The following TGFA variants were observed in gnomAD, a reference collection of about 807,000 sequenced individuals.
The protein encoded by TGFA is protransforming growth factor alpha.
In TGFA, 12 loss-of-function variants were observed where a neutral mutation model predicts 21.7. The ratio of observed to expected loss-of-function variants is 0.55; its 90% CI spans 0.35 to 0.90. The LOEUF is 0.90. Among genes scored for constraint, TGFA ranks in the 40% least tolerant of loss-of-function variants. The pLI is 0.01. For synonymous variants in TGFA, 79 were observed against 88.1 expected, an observed-to-expected ratio of 0.90 and a Z score of 0.58; for missense variants, 178 against 210.8, an observed-to-expected ratio of 0.84 and a Z score of 0.96.
Position 70,453,089 on chromosome 2 carries a change from A to G in TGFA, c.475+129T>C, listed in dbSNP as rs1196784841. The G allele has an allele frequency of 9.8e-6, 8 of 816,062 alleles. No homozygotes were observed. In the South Asian group the frequency reaches 1.3e-4, roughly 14 times the overall value. The allele number at this position is 816,062 out of a possible 1,614,324, so 50.6% of individuals were successfully genotyped here. A position where few individuals can be genotyped will look rare whatever the true frequency, so the allele number is the denominator to read the frequency against. ...ATGAATAAACTAAACCTGACTTGGT[A>G]GAATGAAACAGTCTCTTCCTTTTCT... On this transcript the variant is annotated intron_variant, in intron 5 of 5. Transcript: ENST00000295400.
At chr2:70,493,658 A>G (rs1204627080) in intron 2 of TGFA, among the ~76,000 whole-genome samples, 1 of 152,162 alleles carries the variant, frequency 6.6e-6, no homozygotes, top group African/African-American at 2.4e-5. Context: ...AATAAACTAA[A>G]ATCTACTCGG....
intron 2 of TGFA, among the ~76,000 whole-genome samples, chr2:70,478,337 A>G (rs1202431838): frequency 6.6e-6 from 1 of 152,210 alleles, no homozygotes; most frequent in Admixed American, 6.5e-5. Context: ...ATGCAAATAT[A>G]CTGCATTCTC....
chr2:70,494,391 A>G (rs1671521301), intron 2 of TGFA, among the ~76,000 whole-genome samples: 1 of 152,082 alleles, frequency 6.6e-6, no homozygotes. Flanking sequence ...AATGAAAATA[A>G]TTTCCTTCTG....
At chr2:70,481,797 A>G (rs781783812) in intron 2 of TGFA, among the ~76,000 whole-genome samples, 1 of 152,218 alleles carries the variant, frequency 6.6e-6, no homozygotes, top group East Asian at 1.9e-4. Context: ...GGAGAGGTCC[A>G]TGTGGAAAGA....
intron 4 of TGFA, 136 bp downstream of exon 4, chr2:70,456,203 T>C (rs1670222239): frequency 8.1e-7 from 1 of 1,235,336 alleles, no homozygotes; most frequent in African/African-American, 1.5e-5. Flanking sequence ...CAAAGTAGCA[T>C]TTAGCTTTCC....
intron 1 of TGFA, among the ~76,000 whole-genome samples, chr2:70,549,723 CT>C (rs1673427254): frequency 6.6e-6 from 1 of 152,174 alleles, no homozygotes; most frequent in Admixed American, 6.5e-5. Context: ...TGAAAAGGTC[CT>C]TAGGCCTAAT....
At chr2:70,537,124 A>G (rs983122140) in intron 1 of TGFA, among the ~76,000 whole-genome samples, 17 of 151,432 alleles carry the variant, frequency 1.1e-4, no homozygotes, top group Admixed American at 9.2e-4. Context: ...TGTTATGGTG[A>G]CAGGTGCTCA....
At chr2:70,467,470 A>G (rs1670603877) in intron 2 of TGFA, 3 of 152,150 alleles carry the variant, frequency 2.0e-5, no homozygotes, top group Admixed American at 2.0e-4. Flanking sequence ...TGCACAACAG[A>G]CCTGCTGACC....
intron 2 of TGFA, among the ~76,000 whole-genome samples, chr2:70,507,634 G>A (rs145044734): frequency 6.6e-6 from 1 of 152,288 alleles, no homozygotes; most frequent in African/African-American, 2.4e-5. Context: ...CGATAGTTGG[G>A]TCACAGGGCA....
At chr2:70,480,083 G>C (rs892283384) in intron 2 of TGFA, among the ~76,000 whole-genome samples, 2 of 152,150 alleles carry the variant, frequency 1.3e-5, no homozygotes, top group Admixed American at 6.5e-5. Context: ...GACAGAAAAG[G>C]GGAAGTTTAA....
intron 1 of TGFA, among the ~76,000 whole-genome samples, chr2:70,521,384 A>T (rs1553502239): frequency 6.6e-6 from 1 of 152,154 alleles, no homozygotes; most frequent in East Asian, 1.9e-4. Flanking sequence ...CCTTGGGTTC[A>T]TGCTACTAGG....
intron 4 of TGFA, 119 bp from the exon 5 acceptor site, chr2:70,453,446 T>C (rs1450653665): frequency 1.3e-6 from 1 of 766,758 alleles, no homozygotes; most frequent in Non-Finnish European, 2.1e-6. Context: ...CCAAACCAGC[T>C]CCCCATGGGG....
At chr2:70,497,412 C>T (rs1553498507) in intron 2 of TGFA, among the ~76,000 whole-genome samples, 1 of 152,230 alleles carries the variant, frequency 6.6e-6, no homozygotes, top group African/African-American at 2.4e-5. Context: ...CTAAGCATTT[C>T]TGTTCAATTC....
At chr2:70,532,649 T>A (rs1409841903) in intron 1 of TGFA, among the ~76,000 whole-genome samples, 1 of 152,184 alleles carries the variant, frequency 6.6e-6, no homozygotes, top group Non-Finnish European at 1.5e-5. Context: ...ACGCCTGTGG[T>A]TCATTTCTCA....
At chr2:70,452,875 G>A (rs966515783) in intron 5 of TGFA, among the ~76,000 whole-genome samples, 1 of 152,098 alleles carries the variant, frequency 6.6e-6, no homozygotes, top group Non-Finnish European at 1.5e-5. Flanking sequence ...ACTGGGAGGT[G>A]GAGATTGCAG....
At chr2:70,552,294 G>T (rs113974158) in intron 1 of TGFA, among the ~76,000 whole-genome samples, 5 of 152,324 alleles carry the variant, frequency 3.3e-5, no homozygotes, top group African/African-American at 1.2e-4. Context: ...CTTGGACTGT[G>T]TCTGACACAG....
intron 1 of TGFA, among the ~76,000 whole-genome samples, chr2:70,528,238 A>C (rs2103894778): frequency 6.6e-6 from 1 of 152,342 alleles, no homozygotes; most frequent in South Asian, 2.1e-4. Flanking sequence ...ATATATTTTG[A>C]ACAATTGCTC....
At chr2:70,528,508 A>G (rs1220787932) in intron 1 of TGFA, among the ~76,000 whole-genome samples, 2 of 134,494 alleles carry the variant, frequency 1.5e-5, no homozygotes, top group African/African-American at 2.7e-5. Flanking sequence ...AGGGAAGGGT[A>G]GAACGATGTG....
chr2:70,457,387 C>A (rs1230907184), intron 3 of TGFA, among the ~76,000 whole-genome samples: 1 of 152,168 alleles, frequency 6.6e-6, no homozygotes, highest in African/African-American at 2.4e-5. Flanking sequence ...TCCCCTCACC[C>A]TGAGCCACTA....
Sources: gnomAD v4.1 joint callset for allele counts (sites outside exome capture counted in the v4.1 genomes callset) on GRCh38, gnomAD v4.1.1 for gene constraint, MANE v1.5 for transcripts, NCBI Gene and HGNC (gene_info 2026-07-23, HGNC 2026-07-21) for gene names.